Variants in TUSC3 observed in about 807,000 individuals in gnomAD.
The protein encoded by TUSC3 is tumor suppressor candidate 3, also known as dolichyl-diphosphooligosaccharide--protein glycosyltransferase subunit TUSC3.
A neutral mutation model predicts 44.8 loss-of-function variants in TUSC3; 45 were observed. The observed-to-expected ratio is 1.00, with a 90% CI of 0.79 to 1.29. TUSC3 has a LOEUF of 1.29. TUSC3 is among the 50% of genes most tolerant of loss of function. TUSC3 has a pLI of 0.00. For missense variants in TUSC3, 519 were observed against 437.9 expected, an observed-to-expected ratio of 1.19 and a Z score of -1.65; for synonymous variants, 212 against 152.9, an observed-to-expected ratio of 1.39 and a Z score of -2.85.
rs2129225898 is a variant in TUSC3 at position 15,764,550 on chromosome 8, A to C, written c.*394A>C. 1 of 276,934 alleles carries C rather than the reference A, an allele frequency of 3.6e-6. No individual in the cohort carries two copies. Among genetic ancestry groups the C allele is most frequent in the East Asian group, 8.4e-5 (1 of 11,852 alleles). 17.2% of individuals were successfully genotyped at this position (276,934 alleles called of 1,614,324 possible). A position where few individuals can be genotyped will look rare whatever the true frequency, so the allele number is the denominator to read the frequency against. ...GCAATGTTAGTAAAGAAAACCTATGAAATGTATGTTAAAGATTCTTAGTAT... is the reference window on the plus strand; with the variant it reads ...GCAATGTTAGTAAAGAAAACCTATGCAATGTATGTTAAAGATTCTTAGTAT... On this transcript the variant is annotated 3_prime_UTR_variant, in exon 11 of 11. Transcript: ENST00000503731.
chr8:15,446,511 T>C (rs1003181398), intron 1 of TUSC3, among the ~76,000 whole-genome samples: 1 of 151,910 alleles, frequency 6.6e-6, no homozygotes, highest in Admixed American at 6.6e-5. Context: ...AGATCACTCA[T>C]GGTCAGGAGC....
intron 1 of TUSC3, among the ~76,000 whole-genome samples, chr8:15,438,573 A>G (rs1014513443): frequency 4.6e-5 from 7 of 152,296 alleles, no homozygotes; most frequent in African/African-American, 1.7e-4. Flanking sequence ...AGGCCAATCT[A>G]CTAATACTAT....
chr8:15,588,311 T>C (rs1042820979), intron 1 of TUSC3, among the ~76,000 whole-genome samples: 78 of 152,328 alleles, frequency 5.1e-4, no homozygotes, highest in African/African-American at 1.9e-3. Flanking sequence ...TGATGATCAG[T>C]GATGTTGCAC....
chr8:15,450,048 A>C (rs1800173308), intron 1 of TUSC3, among the ~76,000 whole-genome samples: 1 of 152,136 alleles, frequency 6.6e-6, no homozygotes, highest in African/African-American at 2.4e-5. Context: ...GCACAACAAC[A>C]AAATTGCCTA....
At chr8:15,581,886 T>A (rs528778672) in intron 1 of TUSC3, among the ~76,000 whole-genome samples, 2 of 131,112 alleles carry the variant, frequency 1.5e-5, no homozygotes, top group South Asian at 2.4e-4. Flanking sequence ...GCCTGGGCAA[T>A]GGCGGGCGCC....
At chr8:15,445,992 C>T (rs370372154) in intron 1 of TUSC3, among the ~76,000 whole-genome samples, 10 of 151,356 alleles carry the variant, frequency 6.6e-5, no homozygotes, top group East Asian at 4.0e-4. Context: ...CCGGCGGAGA[C>T]GCTCCTCACT....
At chr8:15,677,845 A>G (rs535304750) in intron 6 of TUSC3, among the ~76,000 whole-genome samples, 1 of 152,344 alleles carries the variant, frequency 6.6e-6, no homozygotes, top group East Asian at 1.9e-4. Flanking sequence ...AGGAACAGAA[A>G]GAGAAAGACA....
intron 2 of TUSC3, among the ~76,000 whole-genome samples, chr8:15,511,150 T>C (rs1269387996): frequency 2.6e-5 from 4 of 152,122 alleles, no homozygotes; most frequent in African/African-American, 9.7e-5. Flanking sequence ...AAAACATGAA[T>C]GCTTTCTCCC....
chr8:15,719,491 T>C (rs897328275), intron 6 of TUSC3, among the ~76,000 whole-genome samples: 1 of 124,274 alleles, frequency 8.0e-6, no homozygotes, highest in Non-Finnish European at 1.6e-5. Context: ...TAGTATACAG[T>C]TCATCACACA....
chr8:15,494,794 A>G (rs1346717716), intron 2 of TUSC3, among the ~76,000 whole-genome samples: 1 of 152,218 alleles, frequency 6.6e-6, no homozygotes, highest in Non-Finnish European at 1.5e-5. Context: ...GCCCTGCAAC[A>G]AAAACTGGAA....
At chr8:15,717,217 A>G (rs145110516) in intron 6 of TUSC3, among the ~76,000 whole-genome samples, 304 of 152,238 alleles carry the variant, frequency 2.0e-3, no homozygotes, top group African/African-American at 7.0e-3. Flanking sequence ...AATTTTAGAA[A>G]AAAACTTCAT....
chr8:15,478,004 C>G (rs1205006200), intron 1 of TUSC3, among the ~76,000 whole-genome samples: 1 of 152,110 alleles, frequency 6.6e-6, no homozygotes, highest in East Asian at 1.9e-4. Flanking sequence ...GTTGCCCAGG[C>G]TAGAGTGCAG....
intron 2 of TUSC3, among the ~76,000 whole-genome samples, chr8:15,519,384 A>G (rs1199281653): frequency 6.6e-6 from 1 of 152,108 alleles, no homozygotes; most frequent in Admixed American, 6.6e-5. Context: ...CAACAAGCTT[A>G]TTACTCATAA....
intron 5 of TUSC3, among the ~76,000 whole-genome samples, chr8:15,671,103 C>G (rs1053961000): frequency 2.8e-4 from 43 of 151,824 alleles, no homozygotes; most frequent in Admixed American, 2.6e-4. Flanking sequence ...AAATTTTGTT[C>G]AACCTCCTGA....
chr8:15,850,949 C>T, the TUSC3 span, among the ~76,000 whole-genome samples: 4 of 152,236 alleles, frequency 2.6e-5, no homozygotes, highest in East Asian at 7.7e-4. Flanking sequence ...AAGCTCTTTC[C>T]TTTCTGAGTA....
chr8:15,836,300 ACT>A, the TUSC3 span, among the ~76,000 whole-genome samples: 1 of 150,524 alleles, frequency 6.6e-6, no homozygotes, highest in Non-Finnish European at 1.5e-5. Context: ...TTGTGGTGAA[ACT>A]CTGCCTCTAC....
intron 9 of TUSC3, among the ~76,000 whole-genome samples, chr8:15,750,676 A>G (rs985057422): frequency 2.6e-5 from 4 of 152,126 alleles, no homozygotes; most frequent in Admixed American, 2.6e-4. Context: ...CACCATAGAT[A>G]TAAATAGTAA....
intron 6 of TUSC3, among the ~76,000 whole-genome samples, chr8:15,729,455 C>G (rs1810625159): frequency 6.6e-6 from 1 of 152,044 alleles, no homozygotes; most frequent in African/African-American, 2.4e-5. Context: ...CAGGTAATAA[C>G]TACTTTATGT....
chr8:15,424,553 C>A (rs1353874497), intron 1 of TUSC3, among the ~76,000 whole-genome samples: 2 of 152,108 alleles, frequency 1.3e-5, no homozygotes, highest in African/African-American at 4.8e-5. Flanking sequence ...CCAGAACTAC[C>A]ATCATGAGCC....
Sources: gnomAD v4.1 joint callset for allele counts (sites outside exome capture counted in the v4.1 genomes callset) on GRCh38, gnomAD v4.1.1 for gene constraint, MANE v1.5 for transcripts, NCBI Gene and HGNC (gene_info 2026-07-23, HGNC 2026-07-21) for gene names.